EIPR1: variants seen among roughly 807,000 people sequenced by gnomAD.
The protein encoded by EIPR1 is EARP and GARP complex-interacting protein 1.
Under a neutral mutation model 48.1 loss-of-function variants are expected in EIPR1, and 25 were observed. The observed-to-expected ratio is 0.52, with a 90% CI of 0.38 to 0.73. The LOEUF is 0.73. EIPR1 is among the 30% of genes least tolerant of loss of function. The pLI is 0.00. For synonymous variants in EIPR1, 204 were observed against 201.9 expected (o/e 1.01, Z -0.09); for missense variants, 415 against 506.2 (o/e 0.82, Z 1.73).
chr2:3,366,807 CA>C (rs1314210114), intron 1 of EIPR1, among the ~76,000 whole-genome samples: 5 of 152,202 alleles, frequency 3.3e-5, no homozygotes, highest in African/African-American at 1.2e-4. Context: ...GTAATCCCAG[CA>C]CTTTGGGATG....
chr2:3,214,482 C>G (rs974686358), intron 4 of EIPR1: 3 of 422,478 alleles, frequency 7.1e-6, no homozygotes, highest in Admixed American at 4.1e-5. Flanking sequence ...CCTAGCCCCC[C>G]ACCTGGTGTG....
At chr2:3,284,796 CA>C (rs1259705360) in intron 3 of EIPR1, among the ~76,000 whole-genome samples, 2 of 151,948 alleles carry the variant, frequency 1.3e-5, no homozygotes, top group Non-Finnish European at 2.9e-5. Flanking sequence ...AAGGAGCACA[CA>C]GTTGGGAAAG....
At chr2:3,303,937 T>G (rs1047301238) in intron 3 of EIPR1, among the ~76,000 whole-genome samples, 1 of 152,240 alleles carries the variant, frequency 6.6e-6, no homozygotes, top group South Asian at 2.1e-4. Flanking sequence ...TAATTTGGGT[T>G]GAATAATGAA....
At chr2:3,258,073 TCTC>T (rs918323675) in intron 3 of EIPR1, among the ~76,000 whole-genome samples, 30 of 152,248 alleles carry the variant, frequency 2.0e-4, no homozygotes, top group African/African-American at 6.7e-4. Context: ...TACAGCCTCT[TCTC>T]CTAGAAATGA....
intron 2 of EIPR1, among the ~76,000 whole-genome samples, chr2:3,348,048 G>A (rs554637644): frequency 8.5e-5 from 13 of 152,306 alleles, no homozygotes; most frequent in East Asian, 3.9e-4. Context: ...CTGAGCACAG[G>A]TGAGAACAGG....
intron 5 of EIPR1, among the ~76,000 whole-genome samples, chr2:3,199,218 A>C (rs1442588496): frequency 6.6e-6 from 1 of 152,012 alleles, no homozygotes; most frequent in Non-Finnish European, 1.5e-5. Flanking sequence ...AGACTTTACG[A>C]TTGTCCCTTG....
intron 4 of EIPR1, among the ~76,000 whole-genome samples, chr2:3,242,940 C>T (rs991333505): frequency 1.3e-5 from 2 of 152,154 alleles, no homozygotes; most frequent in Non-Finnish European, 2.9e-5. Flanking sequence ...ACCGTTCAGT[C>T]CCCAGGCTCC....
At chr2:3,291,195 T>C (rs1202337225) in intron 3 of EIPR1, among the ~76,000 whole-genome samples, 1 of 152,158 alleles carries the variant, frequency 6.6e-6, no homozygotes, top group Non-Finnish European at 1.5e-5. Context: ...ACACCCAGCA[T>C]CACAACACAC....
intron 1 of EIPR1, among the ~76,000 whole-genome samples, chr2:3,372,009 G>T (rs981621762): frequency 5.9e-5 from 9 of 152,020 alleles, no homozygotes; most frequent in African/African-American, 2.2e-4. Context: ...AAATGTAAAA[G>T]AACAGAAATT....
At chr2:3,257,684 T>A in intron 3 of EIPR1, 1 of 417,458 alleles carries the variant, frequency 2.4e-6, no homozygotes, top group Non-Finnish European at 4.2e-6. Flanking sequence ...CTCTTTGTTT[T>A]AAAAACCATC....
At chr2:3,302,828 G>A (rs1255849601) in intron 3 of EIPR1, among the ~76,000 whole-genome samples, 3 of 152,198 alleles carry the variant, frequency 2.0e-5, no homozygotes, top group Non-Finnish European at 1.5e-5. Context: ...AGCTCGGGGC[G>A]CTCCAGCAGG....
At chr2:3,317,334 C>T (rs952894067) in intron 3 of EIPR1, among the ~76,000 whole-genome samples, 56 of 113,344 alleles carry the variant, frequency 4.9e-4, no homozygotes, top group African/African-American at 1.6e-3. Flanking sequence ...CTGTGTGCCT[C>T]GCACGCGGGG....
intron 1 of EIPR1, among the ~76,000 whole-genome samples, chr2:3,355,500 C>T (rs1295842300): frequency 6.6e-6 from 1 of 152,192 alleles, no homozygotes; most frequent in Non-Finnish European, 1.5e-5. Context: ...AAATGTTCAA[C>T]ATTTAATCAA....
chr2:3,359,709 G>A (rs1272968840), intron 1 of EIPR1, among the ~76,000 whole-genome samples: 2 of 152,192 alleles, frequency 1.3e-5, no homozygotes, highest in Non-Finnish European at 2.9e-5. Flanking sequence ...TTAAAGTAAT[G>A]ATAAAATGAC....
chr2:3,217,106 C>T (rs866923612), intron 4 of EIPR1, among the ~76,000 whole-genome samples: 2 of 152,134 alleles, frequency 1.3e-5, no homozygotes, highest in South Asian at 4.1e-4. Context: ...AAAGGGGTGG[C>T]TCTAAACAGA....
intron 1 of EIPR1, among the ~76,000 whole-genome samples, chr2:3,371,529 G>A (rs1229496718): frequency 1.3e-5 from 2 of 152,088 alleles, no homozygotes; most frequent in East Asian, 3.8e-4. Context: ...ATAAAAGGAT[G>A]GAGGAAGATC....
At position 3,237,265 on chromosome 2, in the gene EIPR1, CA is replaced by C. The variant is rs1558242452; in HGVS notation, c.416+20033del. Among the ~76,000 whole-genome samples, 517 of 148,982 alleles carry C rather than the reference CA, an allele frequency of 3.5e-3. 3 individuals are homozygous for C. The highest frequency in any genetic ancestry group is 0.012 in the African/African-American group (483 of 40,544). On this transcript the variant is annotated intron_variant, in intron 4 of 8. Coordinates refer to ENST00000382125, the MANE Select transcript of EIPR1 (RefSeq NM_003310.5). ...ACACACACACACACACACACACACACACACACCATACATATGGCAGTCCTGC... is the reference window on the plus strand; with the variant it reads ...ACACACACACACACACACACACACACCACACCATACATATGGCAGTCCTGC...
chr2:3,218,030 C>A (rs1475261150), intron 4 of EIPR1, among the ~76,000 whole-genome samples: 1 of 152,190 alleles, frequency 6.6e-6, no homozygotes, highest in Non-Finnish European at 1.5e-5. Context: ...CCAACACAGC[C>A]CTGGTACACT....
At chr2:3,200,738 C>A (rs1436620675) in intron 5 of EIPR1, among the ~76,000 whole-genome samples, 1 of 152,088 alleles carries the variant, frequency 6.6e-6, no homozygotes, top group African/African-American at 2.4e-5. Context: ...TCATGAACAC[C>A]AGGCCAAGGC....
Sources: gnomAD v4.1 joint callset for allele counts (sites outside exome capture counted in the v4.1 genomes callset) on GRCh38, gnomAD v4.1.1 for gene constraint, MANE v1.5 for transcripts, NCBI Gene and HGNC (gene_info 2026-07-23, HGNC 2026-07-21) for gene names.